ENTREP2: variants seen among roughly 807,000 people sequenced by gnomAD.
ENTREP2 encodes protein ENTREP2.
the ENTREP2 span, among the ~76,000 whole-genome samples, chr15:29,231,217 A>G: frequency 6.6e-6 from 1 of 152,206 alleles, no homozygotes; most frequent in African/African-American, 2.4e-5. Flanking sequence ...TACATTTCTG[A>G]TAGTCTACTA....
At chr15:29,233,313 C>T in the ENTREP2 span, among the ~76,000 whole-genome samples, 1 of 152,150 alleles carries the variant, frequency 6.6e-6, no homozygotes. Context: ...TCTAGTGATA[C>T]AGAATATTAC....
At chr15:29,130,857 G>A in the ENTREP2 span, among the ~76,000 whole-genome samples, 1 of 152,180 alleles carries the variant, frequency 6.6e-6, no homozygotes, top group Non-Finnish European at 1.5e-5. Context: ...GTAGAAAAGG[G>A]TGGGGAAGAA....
chr15:29,392,117 T>G, the ENTREP2 span, among the ~76,000 whole-genome samples: 2 of 152,056 alleles, frequency 1.3e-5, no homozygotes, highest in Admixed American at 6.6e-5. Context: ...CGTGAGCCAC[T>G]GTGCCCGGCC....
chr15:29,432,605 C>A, the ENTREP2 span, among the ~76,000 whole-genome samples: 1 of 152,222 alleles, frequency 6.6e-6, no homozygotes, highest in African/African-American at 2.4e-5. Context: ...CCCCAGTGCA[C>A]ACTGGGGGAA....
At chr15:29,210,502 T>C in the ENTREP2 span, among the ~76,000 whole-genome samples, 1 of 152,220 alleles carries the variant, frequency 6.6e-6, no homozygotes, top group Admixed American at 6.5e-5. Flanking sequence ...AGCAGCATTA[T>C]ATTCTCATAG....
chr15:29,285,442 C>G, the ENTREP2 span, among the ~76,000 whole-genome samples: 1 of 152,188 alleles, frequency 6.6e-6, no homozygotes, highest in African/African-American at 2.4e-5. Flanking sequence ...ATACTATATA[C>G]AGCCTTTCCC....
chr15:29,177,653 C>T, the ENTREP2 span, among the ~76,000 whole-genome samples: 35 of 152,058 alleles, frequency 2.3e-4, no homozygotes, highest in African/African-American at 7.0e-4. Flanking sequence ...CATCTGGACT[C>T]GTGAGGCTGA....
the ENTREP2 span, among the ~76,000 whole-genome samples, chr15:29,159,023 C>G: frequency 0.58 from 87,840 of 152,068 alleles, 25,524 homozygotes; most frequent in East Asian, 0.71. Flanking sequence ...AAACATTAAA[C>G]AGTTCAGGAC....
At chr15:29,282,638 T>C in the ENTREP2 span, among the ~76,000 whole-genome samples, 1 of 152,150 alleles carries the variant, frequency 6.6e-6, no homozygotes, top group Admixed American at 6.5e-5. Context: ...TTCAATATTT[T>C]AGATGCCTGT....
the ENTREP2 span, among the ~76,000 whole-genome samples, chr15:29,309,340 A>C: frequency 6.6e-6 from 1 of 152,210 alleles, no homozygotes; most frequent in Non-Finnish European, 1.5e-5. Context: ...CGCGGTAATT[A>C]GTTTCCATGA....
At chr15:29,234,238 T>C in the ENTREP2 span, 2 of 1,611,800 alleles carry the variant, frequency 1.2e-6, no homozygotes, top group Non-Finnish European at 1.7e-6. Flanking sequence ...GTCGTAACTC[T>C]TCTCTTCTCT....
At chr15:29,149,183 T>TA in the ENTREP2 span, among the ~76,000 whole-genome samples, 2 of 152,200 alleles carry the variant, frequency 1.3e-5, no homozygotes, top group Non-Finnish European at 2.9e-5. Context: ...TCTAGATTTT[T>TA]ATCAGCATTT....
At chr15:29,398,624 T>C in the ENTREP2 span, among the ~76,000 whole-genome samples, 3 of 152,130 alleles carry the variant, frequency 2.0e-5, no homozygotes, top group Non-Finnish European at 2.9e-5. Flanking sequence ...CTCGGGAGGC[T>C]GAGGCAGGAG....
chr15:29,434,730 G>A, the ENTREP2 span, among the ~76,000 whole-genome samples: 1 of 152,306 alleles, frequency 6.6e-6, no homozygotes, highest in East Asian at 1.9e-4. Context: ...CTCAAGCAGA[G>A]ATCAGAGGAC....
At chr15:29,330,065 A>G in the ENTREP2 span, among the ~76,000 whole-genome samples, 1 of 152,186 alleles carries the variant, frequency 6.6e-6, no homozygotes, top group Non-Finnish European at 1.5e-5. Context: ...TCACTCCCTC[A>G]GTGATCACCT....
the ENTREP2 span, among the ~76,000 whole-genome samples, chr15:29,445,628 G>A: frequency 6.6e-6 from 1 of 152,172 alleles, no homozygotes; most frequent in South Asian, 2.1e-4. Context: ...AGGTTACCCT[G>A]TGCATCTCCT....
the ENTREP2 span, among the ~76,000 whole-genome samples, chr15:29,176,474 A>G: frequency 6.6e-6 from 1 of 152,210 alleles, no homozygotes; most frequent in African/African-American, 2.4e-5. Flanking sequence ...GGAAGTGGGA[A>G]GAGGCCAGAG....
chr15:29,317,809 A>T, the ENTREP2 span, among the ~76,000 whole-genome samples: 1 of 152,172 alleles, frequency 6.6e-6, no homozygotes, highest in Non-Finnish European at 1.5e-5. Context: ...AGAGGCCTTC[A>T]TCCGACCCGG....
the ENTREP2 span, among the ~76,000 whole-genome samples, chr15:29,458,588 AC>A: frequency 1.3e-5 from 2 of 152,082 alleles, no homozygotes; most frequent in African/African-American, 2.4e-5. Context: ...CTTGGAGGTG[AC>A]CCAGGAGTGA....
Sources: allele counts gnomAD v4.1 joint callset (sites outside exome capture counted in the v4.1 genomes callset), GRCh38; gene constraint gnomAD v4.1.1; transcripts MANE v1.5; gene names NCBI Gene and HGNC (gene_info 2026-07-23, HGNC 2026-07-21).